KCNMB4: variants seen among roughly 807,000 people sequenced by gnomAD.
KCNMB4 encodes the protein calcium-activated potassium channel subunit beta-4.
Under a neutral mutation model 20.7 loss-of-function variants are expected in KCNMB4, and 3 were observed. The observed-to-expected ratio is 0.14, with a 90% CI of 0.07 to 0.37. The LOEUF (loss-of-function observed/expected upper bound fraction) is 0.37, where lower values mean the gene tolerates loss of function less well. Among genes scored for constraint, KCNMB4 ranks in the 10% least tolerant of loss-of-function variants. The pLI is 1.00. For missense variants in KCNMB4, 168 were observed against 265.9 expected (o/e 0.63, Z 2.56); for synonymous variants, 110 against 113.4 (o/e 0.97, Z 0.19).
intron 2 of KCNMB4, among the ~76,000 whole-genome samples, chr12:70,425,866 C>A (rs757690059): frequency 6.6e-5 from 10 of 152,202 alleles, no homozygotes; most frequent in Non-Finnish European, 1.3e-4. Flanking sequence ...TAGCTGGGCG[C>A]AGTGGCTCAC....
In KCNMB4 at chr12:70,366,625, CGCGGCGGCGGCGGTG is replaced by C. The variant is rs1883496679; in HGVS notation, c.-98_-84del. ...CTCGCCGCCCACTCCCCTGCTGTCG[CGCGGCGGCGGCGGTG>C]GCGGCGGCGGCTCCTCCCGCCCGAG... is the stretch of plus-strand genomic sequence containing the variant. On this transcript the variant is annotated 5_prime_UTR_variant, in exon 1 of 3. Coordinates refer to ENST00000258111, the MANE Select transcript of KCNMB4 (RefSeq NM_014505.6). 7 of 759,310 alleles carry C rather than the reference CGCGGCGGCGGCGGTG, an allele frequency of 9.2e-6. No homozygotes were observed. The East Asian group carries it at 2.1e-4, about 22-fold the overall frequency. The allele number at this position is 759,310 out of a possible 1,614,324, so 47.0% of individuals were successfully genotyped here.
intron 1 of KCNMB4, among the ~76,000 whole-genome samples, chr12:70,388,506 A>G (rs1868275242): frequency 6.6e-6 from 1 of 152,034 alleles, no homozygotes; most frequent in South Asian, 2.1e-4. Context: ...CCTTTTCTCT[A>G]CATCCTTGCC....
chr12:70,419,692 G>A (rs967126006), intron 2 of KCNMB4, among the ~76,000 whole-genome samples: 1 of 152,110 alleles, frequency 6.6e-6, no homozygotes, highest in African/African-American at 2.4e-5. Flanking sequence ...AAAGAACTGA[G>A]TAAAGAAGAA....
chr12:70,430,366 G>A (rs1337469513), intron 2 of KCNMB4, 119 bp from the exon 3 acceptor site: 2 of 1,047,782 alleles, frequency 1.9e-6, no homozygotes, highest in Admixed American at 2.2e-5. Context: ...TATAGTCAGA[G>A]TGCAGCCTTT....
At chr12:70,370,347 G>A (rs564586913) in intron 1 of KCNMB4, among the ~76,000 whole-genome samples, 9 of 147,778 alleles carry the variant, frequency 6.1e-5, no homozygotes, top group Non-Finnish European at 1.2e-4. Context: ...TCGCTCTGTC[G>A]CCCAGGCTGG....
intron 2 of KCNMB4, among the ~76,000 whole-genome samples, chr12:70,427,027 CT>C (rs1385724924): frequency 6.6e-6 from 1 of 152,122 alleles, no homozygotes; most frequent in African/African-American, 2.4e-5. Flanking sequence ...GTAATTACCC[CT>C]TTTTTGCTTA....
chr12:70,373,068 G>A (rs1397599629), intron 1 of KCNMB4, among the ~76,000 whole-genome samples: 1 of 152,142 alleles, frequency 6.6e-6, no homozygotes, highest in Non-Finnish European at 1.5e-5. Flanking sequence ...TGAGGTCTTG[G>A]GGGTAAGGCT....
At chr12:70,417,166 A>G (rs2136138742) in intron 2 of KCNMB4, among the ~76,000 whole-genome samples, 1 of 152,358 alleles carries the variant, frequency 6.6e-6, no homozygotes, top group South Asian at 2.1e-4. Flanking sequence ...TAACCTAATC[A>G]GACTTTAACG....
chr12:70,386,568 A>T (rs961146501), intron 1 of KCNMB4, among the ~76,000 whole-genome samples: 5 of 151,078 alleles, frequency 3.3e-5, no homozygotes, highest in African/African-American at 1.2e-4. Flanking sequence ...GAAAAGTTTA[A>T]TTGTAGCCTT....
At chr12:70,383,846 A>G (rs1224235315) in intron 1 of KCNMB4, among the ~76,000 whole-genome samples, 1 of 152,196 alleles carries the variant, frequency 6.6e-6, no homozygotes, top group Non-Finnish European at 1.5e-5. Flanking sequence ...AGTTGGGTGG[A>G]TCACTTGAGG....
chr12:70,380,061 G>A (rs1272807151), intron 1 of KCNMB4, among the ~76,000 whole-genome samples: 11 of 152,210 alleles, frequency 7.2e-5, no homozygotes, highest in African/African-American at 2.7e-4. Flanking sequence ...AGCTTTTGAT[G>A]TGCTCTCCTC....
At position 70,425,905 on chromosome 12, in the gene KCNMB4, G is replaced by A. The variant is rs561053055; in HGVS notation, c.465-4580G>A. Among the ~76,000 whole-genome samples the A allele has an allele frequency of 5.9e-4, 90 of 152,266 alleles. 1 individual carries two copies. The highest frequency in any genetic ancestry group is 1.9e-3 in the African/African-American group (81 of 41,554). On this transcript the variant is annotated intron_variant, in intron 2 of 2. Coordinates refer to ENST00000258111, the MANE Select transcript of KCNMB4 (RefSeq NM_014505.6). ...CATAATCCCAGTAGTTTGGGGGGCC[G>A]AGGCAGGCGGATTGCTTAAGCTCAA...
At chr12:70,429,786 G>T (rs1464873039) in intron 2 of KCNMB4, among the ~76,000 whole-genome samples, 1 of 152,054 alleles carries the variant, frequency 6.6e-6, no homozygotes, top group African/African-American at 2.4e-5. Flanking sequence ...TGGGACCAAT[G>T]CAGGAATTGA....
At chr12:70,422,692 C>G in intron 2 of KCNMB4, 1 of 1,288,084 alleles carries the variant, frequency 7.8e-7, no homozygotes, top group Non-Finnish European at 1.0e-6. Context: ...TCATAAGCAT[C>G]CTTCTGGTTT....
chr12:70,399,494 G>A (rs766869763), intron 1 of KCNMB4, among the ~76,000 whole-genome samples: 37 of 152,206 alleles, frequency 2.4e-4, no homozygotes, highest in African/African-American at 4.1e-4. Context: ...CATCATCTTC[G>A]TCATCGTTGT....
At chr12:70,377,821 T>C (rs1035684266) in intron 1 of KCNMB4, among the ~76,000 whole-genome samples, 2 of 152,192 alleles carry the variant, frequency 1.3e-5, no homozygotes, top group Non-Finnish European at 2.9e-5. Flanking sequence ...GTGGAGTCCA[T>C]CTCAAGAAAC....
Position 70,430,767 on chromosome 12 carries a change from C to CT in KCNMB4, c.*115dup. 1 of 1,007,828 alleles carries CT rather than the reference C, an allele frequency of 9.9e-7. No individual in the cohort carries two copies. Among genetic ancestry groups the CT allele is most frequent in the South Asian group, 2.0e-5 (1 of 50,120 alleles). 62.4% of individuals were successfully genotyped at this position (1,007,828 alleles called of 1,614,324 possible). ...AGATGGACAGGGCCACGACAGGGCTCTGAGAGGCTCATCCCTCAGTGGCAA... is the reference window on the plus strand; with the variant it reads ...AGATGGACAGGGCCACGACAGGGCTCTTGAGAGGCTCATCCCTCAGTGGCAA... On this transcript the variant is annotated 3_prime_UTR_variant, in exon 3 of 3. Coordinates refer to ENST00000258111, the MANE Select transcript of KCNMB4 (RefSeq NM_014505.6).
intron 1 of KCNMB4, 122 bp downstream of exon 1, chr12:70,367,192 C>T: frequency 2.8e-6 from 2 of 709,374 alleles, no homozygotes; most frequent in Non-Finnish European, 4.3e-6. Flanking sequence ...GACCAGGTGG[C>T]GCAGGCTGTG....
At chr12:70,407,599 C>A (rs958914623) in intron 2 of KCNMB4, among the ~76,000 whole-genome samples, 48 of 150,270 alleles carry the variant, frequency 3.2e-4, no homozygotes, top group African/African-American at 1.1e-3. Flanking sequence ...TCCCGAGTAG[C>A]TGGGACTACA....
Sources: allele counts gnomAD v4.1 joint callset (sites outside exome capture counted in the v4.1 genomes callset), GRCh38; gene constraint gnomAD v4.1.1; transcripts MANE v1.5; gene names NCBI Gene and HGNC (gene_info 2026-07-23, HGNC 2026-07-21).